Variants in MIPEP observed in about 807,000 individuals in gnomAD.
The protein encoded by MIPEP is mitochondrial intermediate peptidase.
Under a neutral mutation model 90.3 loss-of-function variants are expected in MIPEP, and 79 were observed. That is an observed-to-expected ratio of 0.87 (90% CI 0.73 to 1.05). The LOEUF is 1.05. MIPEP is among the 50% of genes least tolerant of loss of function. The pLI, the probability that MIPEP is intolerant of heterozygous loss-of-function variation, is 0.00. For synonymous variants in MIPEP, 334 were observed against 315.8 expected (o/e 1.06, Z -0.61); for missense variants, 940 against 905.6 (o/e 1.04, Z -0.49).
chr13:23,836,227 T>TTCC lies in MIPEP; in HGVS notation c.1653+12_1653+13insGGA. ...CAACCCAAAGGACAAGACGACAATA[T>TTCC]TACTGTTCCTACCTGTCCAGTCTGA... On this transcript the variant is annotated intron_variant, in intron 14 of 18. Transcript: ENST00000382172. 1 of 1,517,458 alleles carries TTCC rather than the reference T, an allele frequency of 6.6e-7. No individual in the cohort carries two copies. The highest frequency in any genetic ancestry group is 1.7e-4 in the Middle Eastern group (1 of 5,762). The allele number at this position is 1,517,458 out of a possible 1,614,324, so 94.0% of individuals were successfully genotyped here.
rs1869211757 is a variant in MIPEP, at chr13:23,839,711, A to T, written c.1276T>A (p.Ser426Thr). 6.2e-7 allele frequency: 1 copy of T among 1,612,296 alleles called. No individual in the cohort carries two copies. Among genetic ancestry groups the T allele is most frequent in the Non-Finnish European group, 8.5e-7 (1 of 1,179,544 alleles). ...DVRKLAVVHE[S>T]EGLLGYIYCD... ...TAAATGTACCCCAACAATCCTTCAGATTCATGAACAACAGCCTAGAAAAAA... is the reference window on the plus strand; with the variant it reads ...TAAATGTACCCCAACAATCCTTCAGTTTCATGAACAACAGCCTAGAAAAAA... Residue 426 changes from serine to threonine, a missense_variant, in exon 12 of 19, where the codon TCT (serine) becomes ACT (threonine). Physicochemically the swap from Ser to Thr is moderately conservative, Grantham distance 58 (BLOSUM62 1). Transcript: ENST00000382172.
intron 8 of MIPEP, among the ~76,000 whole-genome samples, chr13:23,862,636 C>A (rs1160678185): frequency 5.3e-5 from 8 of 152,168 alleles, no homozygotes; most frequent in African/African-American, 1.7e-4. Flanking sequence ...AATGTCATTA[C>A]AAATATGCAA....
chr13:23,778,513 G>C (rs1289918581), intron 16 of MIPEP, among the ~76,000 whole-genome samples: 2 of 152,018 alleles, frequency 1.3e-5, no homozygotes, highest in African/African-American at 4.8e-5. Context: ...GGCTAGCCTT[G>C]GGGAGCAGAG....
At chr13:23,820,320 G>T (rs1283252077) in intron 14 of MIPEP, among the ~76,000 whole-genome samples, 3 of 152,104 alleles carry the variant, frequency 2.0e-5, no homozygotes, top group African/African-American at 7.2e-5. Context: ...ACCTTTCTTG[G>T]GGATTCCAGT....
At chr13:23,795,648 G>A (rs10507334) in intron 16 of MIPEP, among the ~76,000 whole-genome samples, 57,118 of 152,002 alleles carry the variant, frequency 0.38, 11,418 homozygotes, top group Admixed American at 0.51. Flanking sequence ...AGGTCAATAC[G>A]TGGTGCTACA....
chr13:23,880,725 AGCGGCT>A (rs1871239537), intron 3 of MIPEP, among the ~76,000 whole-genome samples: 1 of 152,202 alleles, frequency 6.6e-6, no homozygotes, highest in Non-Finnish European at 1.5e-5. Context: ...GTTGGTTTTC[AGCGGCT>A]ATGGGAAAAG....
At chr13:23,806,210 T>A in intron 15 of MIPEP, 141 bp from the exon 16 acceptor site, 6 of 817,346 alleles carry the variant, frequency 7.3e-6, no homozygotes, top group Non-Finnish European at 1.2e-5. Context: ...CTTACATGGT[T>A]TGAAATGTAT....
intron 16 of MIPEP, among the ~76,000 whole-genome samples, chr13:23,792,563 G>T (rs200268433): frequency 6.6e-6 from 1 of 152,072 alleles, no homozygotes; most frequent in Admixed American, 6.5e-5. Flanking sequence ...AGTCTACATT[G>T]CCCAGGCTGG....
At chr13:23,837,472 TAAA>T (rs1869104717) in intron 13 of MIPEP, 77 bp downstream of exon 13, 1 of 1,128,776 alleles carries the variant, frequency 8.9e-7, no homozygotes, top group Non-Finnish European at 1.3e-6. Context: ...ATTTTCCAAA[TAAA>T]AAGCCCCTTT....
At chr13:23,816,242 G>A (rs1953235811) in intron 14 of MIPEP, among the ~76,000 whole-genome samples, 1 of 151,954 alleles carries the variant, frequency 6.6e-6, no homozygotes, top group African/African-American at 2.4e-5. Context: ...ATATTTCTCC[G>A]GCCTTGTTAT....
chr13:23,810,137 AG>A (rs1432196626), intron 14 of MIPEP, among the ~76,000 whole-genome samples: 1 of 152,200 alleles, frequency 6.6e-6, no homozygotes, highest in Admixed American at 6.5e-5. Context: ...TTGTCAAATA[AG>A]GGTTTGTACA....
intron 14 of MIPEP, among the ~76,000 whole-genome samples, chr13:23,832,042 G>T (rs1389380315): frequency 1.3e-5 from 2 of 152,222 alleles, no homozygotes; most frequent in East Asian, 3.9e-4. Flanking sequence ...AACCCATGTT[G>T]AAATTTAAGC....
At chr13:23,792,033 A>G (rs1044312542) in intron 16 of MIPEP, among the ~76,000 whole-genome samples, 3 of 152,152 alleles carry the variant, frequency 2.0e-5, no homozygotes, top group South Asian at 4.2e-4. Context: ...GTTCCAAGAC[A>G]TTACCCTCTT....
intron 2 of MIPEP, among the ~76,000 whole-genome samples, chr13:23,883,797 T>C (rs139075967): frequency 6.6e-6 from 1 of 152,186 alleles, no homozygotes; most frequent in Non-Finnish European, 1.5e-5. Context: ...GTGACACAAT[T>C]AGGTGAACAG....
At chr13:23,775,585 G>A (rs193134878) in intron 16 of MIPEP, among the ~76,000 whole-genome samples, 6 of 152,238 alleles carry the variant, frequency 3.9e-5, no homozygotes, top group East Asian at 1.9e-4. Context: ...TTTGGGGTAC[G>A]TAGGGTCTAT....
At chr13:23,841,515 G>C (rs1869298477) in intron 10 of MIPEP, 27 bp from the exon 11 acceptor site, 1 of 1,567,148 alleles carries the variant, frequency 6.4e-7, no homozygotes, top group South Asian at 1.2e-5. Flanking sequence ...AGGTTCAACA[G>C]CATCTTTGTT....
At chr13:23,738,907 T>C (rs1434255136) in intron 18 of MIPEP, among the ~76,000 whole-genome samples, 1 of 152,192 alleles carries the variant, frequency 6.6e-6, no homozygotes, top group East Asian at 1.9e-4. Context: ...ACCTGTGTTT[T>C]AATAAGCCTT....
intron 18 of MIPEP, among the ~76,000 whole-genome samples, chr13:23,752,097 T>C (rs1473417846): frequency 1.3e-5 from 2 of 152,168 alleles, no homozygotes; most frequent in African/African-American, 2.4e-5. Flanking sequence ...AAAGTTTCAT[T>C]ATTTATAAAA....
At position 23,761,488 on chromosome 13, in the gene MIPEP, G is replaced by A. The variant is rs1952542664; in HGVS notation, c.1849-1271C>T. On this transcript the variant is annotated intron_variant, in intron 16 of 18. Coordinates refer to ENST00000382172, the MANE Select transcript of MIPEP (RefSeq NM_005932.4). ...GAGAGAGAGCATCCATTCTATCTCAGGACAATGTAGTAGTTATGATAGGAA... is the reference window on the plus strand; with the variant it reads ...GAGAGAGAGCATCCATTCTATCTCAAGACAATGTAGTAGTTATGATAGGAA... Among the ~76,000 whole-genome samples the A allele has an allele frequency of 1.3e-5, 2 of 152,144 alleles. 1 individual carries two copies. Among genetic ancestry groups the A allele is most frequent in the Admixed American group, 1.3e-4 (2 of 15,278 alleles).
Sources: gnomAD v4.1 joint callset for allele counts (sites outside exome capture counted in the v4.1 genomes callset) on GRCh38, gnomAD v4.1.1 for gene constraint, MANE v1.5 for transcripts, NCBI Gene and HGNC (gene_info 2026-07-23, HGNC 2026-07-21) for gene names.